The following SPTLC1 variants were observed in gnomAD, a reference collection of about 807,000 sequenced individuals.
The protein encoded by SPTLC1 is serine palmitoyltransferase 1.
Under a neutral mutation model 68.9 loss-of-function variants are expected in SPTLC1, and 55 were observed. That is an observed-to-expected ratio of 0.80 (90% CI 0.64 to 1.00). SPTLC1 has a LOEUF of 1.00. Among genes scored for constraint, SPTLC1 ranks in the 50% least tolerant of loss-of-function variants. SPTLC1 has a pLI of 0.00. For synonymous variants in SPTLC1, 197 were observed against 201.6 expected (o/e 0.98, Z 0.19); for missense variants, 449 against 573.1 (o/e 0.78, Z 2.21).
chr9:92,039,368 T>A (rs767421745), intron 12 of SPTLC1, among the ~76,000 whole-genome samples: 13 of 152,124 alleles, frequency 8.5e-5, no homozygotes, highest in Non-Finnish European at 1.6e-4. Flanking sequence ...AAATTAAATT[T>A]AATCCTGTAT....
intron 3 of SPTLC1, among the ~76,000 whole-genome samples, chr9:92,087,748 G>A (rs1241871869): frequency 2.0e-5 from 3 of 152,216 alleles, no homozygotes; most frequent in Non-Finnish European, 4.4e-5. Context: ...CCAGCTGCGT[G>A]CTGGGAGAAC....
At chr9:92,041,105 T>C (rs1350429042) in intron 12 of SPTLC1, among the ~76,000 whole-genome samples, 2 of 152,172 alleles carry the variant, frequency 1.3e-5, no homozygotes, top group East Asian at 3.9e-4. Context: ...CACTGTGTGC[T>C]TACAGTCTAT....
intron 8 of SPTLC1, among the ~76,000 whole-genome samples, chr9:92,053,019 T>C (rs1833759687): frequency 6.7e-6 from 1 of 150,040 alleles, no homozygotes; most frequent in South Asian, 2.1e-4. Flanking sequence ...GTATCCAGAA[T>C]ATACAAGGAA....
intron 3 of SPTLC1, among the ~76,000 whole-genome samples, chr9:92,091,081 A>G (rs1223013405): frequency 1.3e-5 from 2 of 152,062 alleles, no homozygotes; most frequent in African/African-American, 4.8e-5. Flanking sequence ...TACAACTTCA[A>G]CCAGAATGAT....
chr9:92,064,666 G>A (rs1834219659), intron 6 of SPTLC1, among the ~76,000 whole-genome samples: 1 of 152,154 alleles, frequency 6.6e-6, no homozygotes, highest in African/African-American at 2.4e-5. Flanking sequence ...AATGTTTAGA[G>A]CAGCTTTTTT....
intron 6 of SPTLC1, among the ~76,000 whole-genome samples, chr9:92,063,182 A>G (rs755419057): frequency 3.3e-5 from 5 of 152,174 alleles, no homozygotes; most frequent in Non-Finnish European, 5.9e-5. Flanking sequence ...GGAGTGAAAC[A>G]AGGTATATAA....
intron 6 of SPTLC1, 67 bp downstream of exon 6, chr9:92,067,899 T>C: frequency 1.3e-6 from 2 of 1,540,140 alleles, no homozygotes; most frequent in African/African-American, 1.4e-5. Flanking sequence ...TAATGAAGTA[T>C]TTCTCTAAGA....
At chr9:92,056,056 T>C (rs1255689146) in intron 7 of SPTLC1, among the ~76,000 whole-genome samples, 1 of 152,178 alleles carries the variant, frequency 6.6e-6, no homozygotes, top group African/African-American at 2.4e-5. Context: ...GTTTCCTTCT[T>C]ATATGTTGGC....
chr9:92,092,737 TC>T (rs369193900), intron 3 of SPTLC1, among the ~76,000 whole-genome samples: 115 of 151,320 alleles, frequency 7.6e-4, no homozygotes, highest in African/African-American at 2.7e-3. Context: ...CCATCCTCCC[TC>T]CCCCCAAAAA....
intron 14 of SPTLC1, among the ~76,000 whole-genome samples, chr9:92,033,265 A>G (rs75212506): frequency 6.6e-6 from 1 of 152,198 alleles, no homozygotes; most frequent in Non-Finnish European, 1.5e-5. Context: ...TCTCAAATCA[A>G]CGACAGTTTG....
At chr9:92,043,668 A>G (rs1369274601) in intron 12 of SPTLC1, among the ~76,000 whole-genome samples, 2 of 152,118 alleles carry the variant, frequency 1.3e-5, no homozygotes, top group African/African-American at 4.8e-5. Context: ...GAATCCAGAC[A>G]CTTCGCAGGT....
intron 14 of SPTLC1, among the ~76,000 whole-genome samples, chr9:92,033,590 G>A (rs990484031): frequency 6.6e-6 from 1 of 152,124 alleles, no homozygotes; most frequent in African/African-American, 2.4e-5. Flanking sequence ...AAAATGAAGG[G>A]GGCAGCCCAG....
chr9:92,038,243 C>G lies in SPTLC1; in HGVS notation c.1254+5G>C, dbSNP rs1172975901. The G allele has an allele frequency of 6.3e-7, 1 of 1,586,420 alleles. No homozygotes were observed. ...GGGGGATGCCTCAAGTCAACGGATACTTACTTGATCTACAATTTCCTGAAG... is the reference window on the plus strand; with the variant it reads ...GGGGGATGCCTCAAGTCAACGGATAGTTACTTGATCTACAATTTCCTGAAG... On this transcript the variant is annotated splice_donor_5th_base_variant and intron_variant, in intron 13 of 14. Transcript: ENST00000262554.
At position 92,093,469 on chromosome 9, in the gene SPTLC1, G is replaced by GCA. The variant is rs573498464; in HGVS notation, c.261-12508_261-12507dup. On this transcript the variant is annotated intron_variant, in intron 3 of 14. Transcript: ENST00000262554. ...TCCAAAAATGTGAATAAACAAGTGT[G>GCA]CACACACACACACACGTCTGAGAAG... Among the ~76,000 whole-genome samples, 345 of 151,450 alleles carry GCA rather than the reference G, an allele frequency of 2.3e-3. 1 individual carries two copies. Among genetic ancestry groups the GCA allele is most frequent in the African/African-American group, 6.6e-3 (274 of 41,300 alleles).
chr9:92,049,916 G>GT (rs1833649712), intron 9 of SPTLC1, 44 bp downstream of exon 9: 2 of 1,211,518 alleles, frequency 1.7e-6, no homozygotes, highest in African/African-American at 3.0e-5. Flanking sequence ...GGAACTACAT[G>GT]TCTCCTATAA....
intron 4 of SPTLC1, 85 bp downstream of exon 4, chr9:92,080,785 C>T: frequency 3.6e-6 from 4 of 1,104,886 alleles, no homozygotes; most frequent in East Asian, 2.5e-5. Flanking sequence ...AGTGATCCAC[C>T]ACGCCCAGCC....
chr9:92,077,820 T>C (rs896480168), intron 5 of SPTLC1, among the ~76,000 whole-genome samples: 1 of 152,176 alleles, frequency 6.6e-6, no homozygotes, highest in Non-Finnish European at 1.5e-5. Flanking sequence ...CAGATGACCT[T>C]CTGTGGCAAG....
chr9:92,089,789 A>G (rs1283554319), intron 3 of SPTLC1, among the ~76,000 whole-genome samples: 1 of 152,256 alleles, frequency 6.6e-6, no homozygotes, highest in Non-Finnish European at 1.5e-5. Flanking sequence ...TGAATAAATT[A>G]CAAGAAGACA....
At chr9:92,053,692 T>C (rs1195972210) in intron 8 of SPTLC1, among the ~76,000 whole-genome samples, 3 of 152,238 alleles carry the variant, frequency 2.0e-5, no homozygotes, top group Admixed American at 6.5e-5. Context: ...ATGCCATTTA[T>C]AGGAAATAAC....
Sources: allele counts gnomAD v4.1 joint callset (sites outside exome capture counted in the v4.1 genomes callset), GRCh38; gene constraint gnomAD v4.1.1; transcripts MANE v1.5; gene names NCBI Gene and HGNC (gene_info 2026-07-23, HGNC 2026-07-21).